FIGN: variants seen among roughly 807,000 people sequenced by gnomAD.
The protein encoded by FIGN is fidgetin, microtubule severing factor.
Under a neutral mutation model 51.3 loss-of-function variants are expected in FIGN, and 11 were observed. The ratio of observed to expected loss-of-function variants is 0.21; its 90% CI spans 0.13 to 0.35. The LOEUF is 0.35. Ranked by LOEUF, FIGN falls within the 10% of genes least tolerant of loss-of-function variation. The pLI is 1.00. For missense variants in FIGN, 857 were observed against 943.6 expected, an observed-to-expected ratio of 0.91 and a Z score of 1.20; for synonymous variants, 407 against 363.2, an observed-to-expected ratio of 1.12 and a Z score of -1.37.
intron 2 of FIGN, among the ~76,000 whole-genome samples, chr2:163,676,874 T>C (rs1237236792): frequency 6.6e-6 from 1 of 152,100 alleles, no homozygotes; most frequent in African/African-American, 2.4e-5. Flanking sequence ...CCATAGTTTA[T>C]AATACAAAAA....
Position 163,603,825 on chromosome 2 carries a change from C to T in FIGN, c.*5727G>A, listed in dbSNP as rs1423745879. On this transcript the variant is annotated 3_prime_UTR_variant, in exon 3 of 3. Coordinates refer to ENST00000333129, the MANE Select transcript of FIGN (RefSeq NM_018086.4). Reference sequence around the variant, plus strand: ...TTTTTTAAAACTAAGTGTTCTTTTGCTACTGTAATATAGAGCTGGTGAAGA... The same window carrying T: ...TTTTTTAAAACTAAGTGTTCTTTTGTTACTGTAATATAGAGCTGGTGAAGA... 6.6e-6 allele frequency: 1 copy of T among 151,994 alleles called. No individual in the cohort carries two copies. Among genetic ancestry groups the T allele is most frequent in the African/African-American group, 2.4e-5 (1 of 41,408 alleles). 9.4% of individuals were successfully genotyped at this position (151,994 alleles called of 1,614,324 possible). A position where few individuals can be genotyped will look rare whatever the true frequency, so the allele number is the denominator to read the frequency against.
chr2:163,667,463 A>G (rs1683799387), intron 2 of FIGN, among the ~76,000 whole-genome samples: 1 of 152,086 alleles, frequency 6.6e-6, no homozygotes, highest in South Asian at 2.1e-4. Context: ...GAAAAATTAA[A>G]CCCCTTCTGT....
intron 2 of FIGN, among the ~76,000 whole-genome samples, chr2:163,719,065 G>T (rs969718681): frequency 6.6e-6 from 1 of 152,072 alleles, no homozygotes; most frequent in Non-Finnish European, 1.5e-5. Flanking sequence ...CTGTTAAGGT[G>T]TTTTTTAGGC....
chr2:163,676,033 G>A lies in FIGN; in HGVS notation c.25+58870C>T, dbSNP rs114685448. ...TGTGACTTCAGTATTTAGAAATGTA[G>A]TTGTCAATTTATTTTTAATTATTTT... is the stretch of plus-strand genomic sequence containing the variant. On this transcript the variant is annotated intron_variant, in intron 2 of 2. Coordinates refer to ENST00000333129, the MANE Select transcript of FIGN (RefSeq NM_018086.4). 5.3e-3 allele frequency among the ~76,000 whole-genome samples: 809 copies of A among 151,506 alleles called. 6 individuals are homozygous for A. The highest frequency in any genetic ancestry group is 0.019 in the African/African-American group (772 of 41,388).
intron 2 of FIGN, among the ~76,000 whole-genome samples, chr2:163,712,490 T>C (rs896532154): frequency 2.0e-5 from 3 of 152,206 alleles, no homozygotes; most frequent in African/African-American, 7.2e-5. Context: ...ACTGAATTCA[T>C]TCTTCCAAGT....
At chr2:163,615,125 C>G (rs148381679) in intron 2 of FIGN, among the ~76,000 whole-genome samples, 2 of 152,198 alleles carry the variant, frequency 1.3e-5, no homozygotes, top group African/African-American at 2.4e-5. Flanking sequence ...GATTGTCATG[C>G]TATTTTTGGA....
intron 2 of FIGN, among the ~76,000 whole-genome samples, chr2:163,613,422 C>A (rs929747870): frequency 6.6e-6 from 1 of 152,054 alleles, no homozygotes; most frequent in Non-Finnish European, 1.5e-5. Flanking sequence ...GTTTCTACCC[C>A]CTTCTGTGCT....
intron 2 of FIGN, among the ~76,000 whole-genome samples, chr2:163,629,123 AGT>A (rs1683102429): frequency 6.6e-6 from 1 of 152,196 alleles, no homozygotes; most frequent in Admixed American, 6.5e-5. Context: ...GTAGAGAGAA[AGT>A]GTGTAGAATG....
chr2:163,610,114 A>G lies in FIGN; in HGVS notation c.1718T>C (p.Val573Ala). Residue 573 changes from valine (V) to alanine (A), a missense_variant, in exon 3 of 3, where the codon GTG (valine) becomes GCG (alanine). By Grantham distance (64) the Val-to-Ala change is moderately conservative. Coordinates refer to ENST00000333129, the MANE Select transcript of FIGN (RefSeq NM_018086.4). ...AEKIIHASFL[V>A]ARCRQPSVIF... ...CACCGAGGGCTGGCGACACCTGGCCACAAGAAAAGAGGCATGGATAATTTT... is the reference window on the plus strand; with the variant it reads ...CACCGAGGGCTGGCGACACCTGGCCGCAAGAAAAGAGGCATGGATAATTTT... 1 of 1,614,042 alleles carries G rather than the reference A, an allele frequency of 6.2e-7. No individual in the cohort carries two copies. The highest frequency in any genetic ancestry group is 8.5e-7 in the Non-Finnish European group (1 of 1,179,928).
chr2:163,636,694 C>A (rs1683230803), intron 2 of FIGN, among the ~76,000 whole-genome samples: 1 of 152,218 alleles, frequency 6.6e-6, no homozygotes, highest in African/African-American at 2.4e-5. Flanking sequence ...ATATCCCCTC[C>A]ATTTTCCCAA....
chr2:163,666,489 G>A (rs1683775787), intron 2 of FIGN, among the ~76,000 whole-genome samples: 2 of 152,116 alleles, frequency 1.3e-5, no homozygotes, highest in East Asian at 1.9e-4. Flanking sequence ...TAGAAGCTAG[G>A]AGTTCTAGGC....
Position 163,604,179 on chromosome 2 carries a change from G to T in FIGN, c.*5373C>A, listed in dbSNP as rs1232710645. ...GAAGACTATAGTTGAAAATAGTTAA[G>T]TACCATTATTTCTCTTAAATTTAGG... On this transcript the variant is annotated 3_prime_UTR_variant, in exon 3 of 3. Transcript: ENST00000333129. The T allele has an allele frequency of 6.6e-6, 1 of 152,054 alleles. No homozygotes were observed. Among genetic ancestry groups the T allele is most frequent in the Non-Finnish European group, 1.5e-5 (1 of 67,940 alleles). The allele number at this position is 152,054 out of a possible 1,614,324, so 9.4% of individuals were successfully genotyped here.
intron 2 of FIGN, among the ~76,000 whole-genome samples, chr2:163,648,857 G>A (rs1683425206): frequency 6.6e-6 from 1 of 152,118 alleles, no homozygotes; most frequent in African/African-American, 2.4e-5. Context: ...TTTATGAAGA[G>A]GATGTAAGAA....
chr2:163,653,566 G>C (rs1683511193), intron 2 of FIGN, among the ~76,000 whole-genome samples: 1 of 151,996 alleles, frequency 6.6e-6, no homozygotes, highest in Non-Finnish European at 1.5e-5. Flanking sequence ...GCCAATTATG[G>C]TTTCAGCTTC....
intron 2 of FIGN, among the ~76,000 whole-genome samples, chr2:163,614,187 A>T (rs1481434685): frequency 6.6e-6 from 1 of 152,082 alleles, no homozygotes; most frequent in Admixed American, 6.6e-5. Context: ...CTGCTTTCTC[A>T]ATCATTACTT....
intron 2 of FIGN, among the ~76,000 whole-genome samples, chr2:163,655,475 A>G (rs1334224828): frequency 6.6e-6 from 1 of 152,196 alleles, no homozygotes; most frequent in Non-Finnish European, 1.5e-5. Context: ...CACAGTTCAG[A>G]AACATCATAT....
At chr2:163,724,130 C>T (rs1429413077) in intron 2 of FIGN, among the ~76,000 whole-genome samples, 4 of 152,118 alleles carry the variant, frequency 2.6e-5, no homozygotes, top group Non-Finnish European at 5.9e-5. Context: ...AAACTAAAAA[C>T]TAAGGCTCAG....
chr2:163,680,823 C>G (rs1019573240), intron 2 of FIGN, among the ~76,000 whole-genome samples: 5 of 151,826 alleles, frequency 3.3e-5, no homozygotes, highest in Admixed American at 1.3e-4. Context: ...ATATATGTTC[C>G]CTTTTCATTA....
At chr2:163,682,026 CTGATG>C (rs1684073064) in intron 2 of FIGN, among the ~76,000 whole-genome samples, 1 of 152,082 alleles carries the variant, frequency 6.6e-6, no homozygotes, top group African/African-American at 2.4e-5. Flanking sequence ...CTTTCAGGGG[CTGATG>C]TGCTAAGAGA....
Sources: gnomAD v4.1 joint callset for allele counts (sites outside exome capture counted in the v4.1 genomes callset) on GRCh38, gnomAD v4.1.1 for gene constraint, MANE v1.5 for transcripts, NCBI Gene and HGNC (gene_info 2026-07-23, HGNC 2026-07-21) for gene names.